TSHZ2: variants seen among roughly 807,000 people sequenced by gnomAD.
TSHZ2 encodes the protein teashirt homolog 2.
In TSHZ2, 21 loss-of-function variants were observed where a neutral mutation model predicts 74.4. That is an observed-to-expected ratio of 0.28 (90% CI 0.20 to 0.41). The LOEUF (loss-of-function observed/expected upper bound fraction) is 0.41. Ranked by LOEUF, TSHZ2 falls within the 10% of genes least tolerant of loss-of-function variation. The probability of loss-of-function intolerance (pLI) is 1.00; values close to 1 mark genes in which losing one functional copy is unlikely to be tolerated. For missense variants in TSHZ2, 1,244 were observed against 1,293.5 expected, an observed-to-expected ratio of 0.96 and a Z score of 0.59; for synonymous variants, 540 against 515.3, an observed-to-expected ratio of 1.05 and a Z score of -0.65.
At chr20:53,236,307 C>G (rs1056816006) in intron 1 of TSHZ2, among the ~76,000 whole-genome samples, 5 of 152,206 alleles carry the variant, frequency 3.3e-5, no homozygotes, top group African/African-American at 7.2e-5. Context: ...TCTAACCCAA[C>G]CAGTAGGTTT....
At chr20:53,170,705 C>A (rs779858876) in intron 1 of TSHZ2, among the ~76,000 whole-genome samples, 1 of 152,172 alleles carries the variant, frequency 6.6e-6, no homozygotes, top group African/African-American at 2.4e-5. Context: ...AAAAAGGTTT[C>A]TAATCATAAT....
intron 2 of TSHZ2, among the ~76,000 whole-genome samples, chr20:53,486,221 T>C (rs1007553328): frequency 6.6e-6 from 1 of 152,208 alleles, no homozygotes; most frequent in Non-Finnish European, 1.5e-5. Context: ...TTGTAGAACG[T>C]GTCAGAATTT....
At chr20:53,168,790 A>C (rs1223687518) in intron 1 of TSHZ2, 6 of 152,192 alleles carry the variant, frequency 3.9e-5, no homozygotes. Flanking sequence ...GAGTTCTGTA[A>C]CTGATGCCCA....
chr20:53,068,255 A>G (rs1263611990), intron 1 of TSHZ2, among the ~76,000 whole-genome samples: 1 of 152,132 alleles, frequency 6.6e-6, no homozygotes, highest in Non-Finnish European at 1.5e-5. Flanking sequence ...CCCTGGGTTT[A>G]TTCAGGTAAA....
chr20:53,145,349 T>A (rs1987514270), intron 1 of TSHZ2, among the ~76,000 whole-genome samples: 1 of 152,184 alleles, frequency 6.6e-6, no homozygotes, highest in Non-Finnish European at 1.5e-5. Flanking sequence ...CTGCACAAGA[T>A]AATAGGGCCT....
At chr20:53,163,327 C>T (rs1479010280) in intron 1 of TSHZ2, among the ~76,000 whole-genome samples, 1 of 132,694 alleles carries the variant, frequency 7.5e-6, no homozygotes, top group Non-Finnish European at 1.6e-5. Flanking sequence ...AAGATGGTGG[C>T]TTCCATCTTA....
intron 2 of TSHZ2, among the ~76,000 whole-genome samples, chr20:53,462,665 A>C (rs751906050): frequency 7.2e-5 from 11 of 152,222 alleles, no homozygotes; most frequent in Non-Finnish European, 1.6e-4. Flanking sequence ...TTTAAAATAC[A>C]TATCATAGCT....
intron 1 of TSHZ2, among the ~76,000 whole-genome samples, chr20:53,005,931 G>T (rs1211784238): frequency 2.6e-5 from 4 of 152,168 alleles, no homozygotes; most frequent in African/African-American, 7.2e-5. Context: ...AAGAATCTTA[G>T]CTTTAAAGGC....
intron 1 of TSHZ2, among the ~76,000 whole-genome samples, chr20:53,052,957 C>T (rs1448505795): frequency 6.6e-6 from 1 of 152,154 alleles, no homozygotes; most frequent in African/African-American, 2.4e-5. Context: ...CGTAGCTGTG[C>T]AACCGTCGTC....
At chr20:53,350,206 C>T (rs998102189) in intron 2 of TSHZ2, among the ~76,000 whole-genome samples, 1 of 152,180 alleles carries the variant, frequency 6.6e-6, no homozygotes, top group African/African-American at 2.4e-5. Flanking sequence ...TCTAGGGACT[C>T]GAATGTAGAC....
At chr20:53,265,420 A>C (rs1990693303) in intron 2 of TSHZ2, among the ~76,000 whole-genome samples, 2 of 152,094 alleles carry the variant, frequency 1.3e-5, no homozygotes, top group Non-Finnish European at 2.9e-5. Context: ...AAGTCATGGC[A>C]GGGGAGTTAG....
intron 1 of TSHZ2, among the ~76,000 whole-genome samples, chr20:53,235,242 A>T (rs908518943): frequency 6.6e-6 from 1 of 151,898 alleles, no homozygotes; most frequent in Non-Finnish European, 1.5e-5. Flanking sequence ...ATCTTGGCTC[A>T]CTGCAACCTC....
In TSHZ2 at chr20:53,489,233, T is replaced by C. The variant is rs780065742; in HGVS notation, c.*2098T>C. Reference sequence around the variant, plus strand: ...AAGGTGCTGATATTATTTTTTATGATGGGAGGATCATAAAGTGAATTGAGA... The same window carrying C: ...AAGGTGCTGATATTATTTTTTATGACGGGAGGATCATAAAGTGAATTGAGA... On this transcript the variant is annotated 3_prime_UTR_variant, in exon 3 of 3. Transcript: ENST00000371497. The C allele has an allele frequency of 2.6e-5, 12 of 454,890 alleles. No individual in the cohort carries two copies. Among genetic ancestry groups the C allele is most frequent in the Non-Finnish European group, 5.3e-5 (12 of 226,146 alleles). 28.2% of individuals were successfully genotyped at this position (454,890 alleles called of 1,614,324 possible).
At chr20:53,478,075 T>G (rs1986035616) in intron 2 of TSHZ2, among the ~76,000 whole-genome samples, 1 of 143,280 alleles carries the variant, frequency 7.0e-6, no homozygotes, top group Non-Finnish European at 1.5e-5. Flanking sequence ...GACTGTAAAC[T>G]AGTTCAACCA....
intron 1 of TSHZ2, among the ~76,000 whole-genome samples, chr20:53,022,396 C>A (rs1184075787): frequency 1.3e-5 from 2 of 152,132 alleles, no homozygotes; most frequent in South Asian, 2.1e-4. Flanking sequence ...TGTCAACGTG[C>A]AGTAAACTAG....
intron 1 of TSHZ2, among the ~76,000 whole-genome samples, chr20:53,187,918 C>T (rs991786651): frequency 1.3e-5 from 2 of 152,118 alleles, no homozygotes; most frequent in Admixed American, 6.6e-5. Context: ...GCAGCTCCTG[C>T]TACCCTTAAA....
At chr20:53,452,926 G>A (rs1984860387) in intron 2 of TSHZ2, 1 of 152,192 alleles carries the variant, frequency 6.6e-6, no homozygotes, top group Non-Finnish European at 1.5e-5. Flanking sequence ...GAAGAAGCAT[G>A]TCTTATTCAC....
intron 2 of TSHZ2, among the ~76,000 whole-genome samples, chr20:53,371,283 G>A (rs1237955037): frequency 6.6e-6 from 1 of 152,162 alleles, no homozygotes; most frequent in Non-Finnish European, 1.5e-5. Flanking sequence ...TCAGTATAGA[G>A]ACTCTGGCCT....
chr20:53,291,525 T>G (rs1209854624), intron 2 of TSHZ2, among the ~76,000 whole-genome samples: 2 of 143,270 alleles, frequency 1.4e-5, no homozygotes, highest in Non-Finnish European at 3.1e-5. Flanking sequence ...CAGTTAGGAT[T>G]CTCAATTACA....
Sources: gnomAD v4.1 joint callset for allele counts (sites outside exome capture counted in the v4.1 genomes callset) on GRCh38, gnomAD v4.1.1 for gene constraint, MANE v1.5 for transcripts, NCBI Gene and HGNC (gene_info 2026-07-23, HGNC 2026-07-21) for gene names.